The following TFAP2A variants were observed in gnomAD, a reference collection of about 807,000 sequenced individuals.
The protein encoded by TFAP2A is transcription factor AP-2-alpha.
In TFAP2A, 7 loss-of-function variants were observed where a neutral mutation model predicts 41.5. The observed-to-expected ratio is 0.17, with a 90% CI of 0.10 to 0.32. The LOEUF (loss-of-function observed/expected upper bound fraction) is 0.32. Ranked by LOEUF, TFAP2A falls within the 10% of genes least tolerant of loss-of-function variation. The probability of loss-of-function intolerance (pLI) is 1.00; values close to 1 mark genes in which losing one functional copy is unlikely to be tolerated. For synonymous variants in TFAP2A, 247 were observed against 242.8 expected (o/e 1.02, Z -0.16); for missense variants, 416 against 563.3 (o/e 0.74, Z 2.65).
At chr6:10,414,764 C>T in intron 1 of TFAP2A, 177 bp downstream of exon 1, 1 of 835,902 alleles carries the variant, frequency 1.2e-6, no homozygotes, top group Non-Finnish European at 2.0e-6. Flanking sequence ...GCATCCACGT[C>T]CTCTCTCTGC....
intron 3 of TFAP2A, chr6:10,406,410 C>T: frequency 4.0e-6 from 1 of 250,960 alleles, no homozygotes; most frequent in East Asian, 1.0e-4. Flanking sequence ...TCTGTTCTTA[C>T]ATTAATGTTA....
upstream of TFAP2A, chr6:10,418,613 T>C (rs908181103): frequency 6.6e-6 from 1 of 152,350 alleles, no homozygotes; most frequent in Non-Finnish European, 1.5e-5. Flanking sequence ...AAATGCTTCC[T>C]TGGCCAGGGT....
chr6:10,402,323 A>T (rs939324655), intron 5 of TFAP2A, 169 bp downstream of exon 5: 2 of 711,618 alleles, frequency 2.8e-6, no homozygotes, highest in Non-Finnish European at 5.3e-6. Context: ...ATAGGAGTAC[A>T]TGCAAATGTT....
upstream of TFAP2A, among the ~76,000 whole-genome samples, chr6:10,417,447 G>C (rs369232752): frequency 1.3e-5 from 2 of 152,208 alleles, no homozygotes; most frequent in Non-Finnish European, 2.9e-5. Context: ...GTCGCCTCTG[G>C]AGCCAGCCGA....
upstream of TFAP2A, chr6:10,415,448 C>T (rs1758207603): frequency 6.8e-6 from 2 of 294,146 alleles, no homozygotes; most frequent in South Asian, 9.0e-5. Context: ...CTGATAAAAC[C>T]TTCCTCGAGC....
At chr6:10,408,362 G>A (rs1401191914) in intron 2 of TFAP2A, among the ~76,000 whole-genome samples, 1 of 152,124 alleles carries the variant, frequency 6.6e-6, no homozygotes. Context: ...TGAGTATACA[G>A]GTGTTAAGAA....
intron 3 of TFAP2A, chr6:10,405,710 G>C (rs1757682258): frequency 6.6e-6 from 1 of 152,132 alleles, no homozygotes; most frequent in African/African-American, 2.4e-5. Context: ...ATTCCATTTG[G>C]AGACATCATA....
intron 6 of TFAP2A, among the ~76,000 whole-genome samples, chr6:10,399,381 T>C (rs1162901227): frequency 6.6e-6 from 1 of 152,250 alleles, no homozygotes; most frequent in African/African-American, 2.4e-5. Context: ...TTCCTCCTCT[T>C]TCCCCACATA....
In TFAP2A at chr6:10,409,529, C is replaced by A; in HGVS notation, c.486+372G>T. On this transcript the variant is annotated intron_variant, in intron 2 of 6. Transcript: ENST00000379613. ...TCTTTTGGTTGCATTTAACATCATT[C>A]CCAGGACAGGGAGAAATCTCCACGC... The A allele has an allele frequency of 1.1e-5, 3 of 270,732 alleles. No homozygotes were observed. In the South Asian group the frequency reaches 1.3e-4, roughly 12 times the overall value. The allele number at this position is 270,732 out of a possible 1,614,324, so 16.8% of individuals were successfully genotyped here.
At chr6:10,409,621 T>C (rs1203171861) in intron 2 of TFAP2A, 2 of 455,178 alleles carry the variant, frequency 4.4e-6, no homozygotes, top group Non-Finnish European at 8.0e-6. Flanking sequence ...GAGGAAGATA[T>C]TGTTAATGGT....
rs764897160 is a variant in TFAP2A at position 10,398,412 on chromosome 6, G to C, written c.*5C>G. ...GCGTGGGAGGGGCGGGGCGGGAGGA[G>C]AGCCTCACTTTCTGTGCTTCTCCTC... On this transcript the variant is annotated 3_prime_UTR_variant, in exon 7 of 7. Coordinates refer to ENST00000379613, the MANE Select transcript of TFAP2A (RefSeq NM_001372066.1). This position sits in a 1 kb window ranked among gnomAD's most constrained non-coding sequence, Gnocchi z 5.3. 3 of 1,613,768 alleles carry C rather than the reference G, an allele frequency of 1.9e-6. No homozygotes were observed. In the Admixed American group the frequency reaches 5.0e-5, roughly 27 times the overall value.
upstream of TFAP2A, chr6:10,416,448 G>T (rs1226658801): frequency 3.4e-5 from 5 of 148,498 alleles, no homozygotes; most frequent in African/African-American, 1.3e-4. Flanking sequence ...AAAAGAAAAG[G>T]ACCTAATGTG....
chr6:10,400,605 A>G lies in TFAP2A; in HGVS notation c.890-16T>C, dbSNP rs773836566. 1 of 1,614,064 alleles carries G rather than the reference A, an allele frequency of 6.2e-7. No homozygotes were observed. Among genetic ancestry groups the G allele is most frequent in the East Asian group, 2.2e-5 (1 of 44,882 alleles). On this transcript the variant is annotated splice_polypyrimidine_tract_variant and intron_variant, in intron 5 of 6. Coordinates refer to ENST00000379613, the MANE Select transcript of TFAP2A (RefSeq NM_001372066.1). ...ACAGCTTCTCCTGGCAAGAGGGGAG[A>G]GGAGGGAGCCAGTGCGAGAGAATGA...
rs756526526 is a variant in TFAP2A at position 10,404,621 on chromosome 6, G to A, written c.657C>T (p.Arg219=). 1.9e-6 allele frequency: 3 copies of A among 1,614,208 alleles called. No homozygotes were observed. Among genetic ancestry groups the A allele is most frequent in the South Asian group, 2.2e-5 (2 of 91,088 alleles). Residue 219 remains arginine, a synonymous_variant, in exon 4 of 7, where the codon CGC becomes CGT. Coordinates refer to ENST00000379613, the MANE Select transcript of TFAP2A (RefSeq NM_001372066.1). ...TCGAGGTGGAGCTGAGGAGCGAGAG[G>A]CGACCCGGAACTGAACAGAAGACTT... ...PNEVFCSVPG[R]LSLLSSTSKY...
intron 1 of TFAP2A, chr6:10,411,924 G>A: frequency 1.7e-6 from 2 of 1,197,250 alleles, no homozygotes; most frequent in Non-Finnish European, 2.1e-6. Flanking sequence ...GTGTGGGTGC[G>A]TGCGTGTTCC....
At position 10,402,418 on chromosome 6, in the gene TFAP2A, A is replaced by G. The variant is rs556072607; in HGVS notation, c.889+74T>C. On this transcript the variant is annotated intron_variant, in intron 5 of 6. Transcript: ENST00000379613. ...TGCCCAACTGACATAAAATACGACC[A>G]AACATCTGGCCACTAAATATTATCC... 1.6e-5 allele frequency: 18 copies of G among 1,117,618 alleles called. No homozygotes were observed. In the East Asian group the frequency reaches 4.2e-4, roughly 26 times the overall value. 69.2% of individuals were successfully genotyped at this position (1,117,618 alleles called of 1,614,324 possible). A position where few individuals can be genotyped will look rare whatever the true frequency, so the allele number is the denominator to read the frequency against.
At position 10,409,935 on chromosome 6, in the gene TFAP2A, A is replaced by G; in HGVS notation, c.452T>C (p.Ile151Thr). The change falls in exon 2 of 7, where the codon ATC becomes ACC. Residue 151 changes from isoleucine (I) to threonine (T), a missense_variant. By Grantham distance (89) the Ile-to-Thr change is moderately conservative. Transcript: ENST00000379613. ...CTCGATGGCGTGAGGTAAGGAGTGGATCGAGAGGTCTCCGAGTCCTGAGCT... is the reference window on the plus strand; with the variant it reads ...CTCGATGGCGTGAGGTAAGGAGTGGGTCGAGAGGTCTCCGAGTCCTGAGCT... ...ALSSGLGDLS[I>T]HSLPHAIEEV... 6.4e-7 allele frequency: 1 copy of G among 1,556,250 alleles called. No individual in the cohort carries two copies. Among genetic ancestry groups the G allele is most frequent in the South Asian group, 1.2e-5 (1 of 84,904 alleles).
chr6:10,406,531 A>T (rs1290383866), intron 3 of TFAP2A: 2 of 533,910 alleles, frequency 3.7e-6, no homozygotes, highest in East Asian at 6.5e-5. Context: ...CAGTTCAACT[A>T]CTGTACATTT....
At chr6:10,408,783 CTTAAATAATGTT>C (rs1408648120) in intron 2 of TFAP2A, among the ~76,000 whole-genome samples, 1 of 152,240 alleles carries the variant, frequency 6.6e-6, no homozygotes, top group Non-Finnish European at 1.5e-5. Flanking sequence ...TCCTACGGAA[CTTAAATAATGTT>C]TTAAATTCAC....
Sources: gnomAD v4.1 joint callset for allele counts (sites outside exome capture counted in the v4.1 genomes callset) on GRCh38, gnomAD v4.1.1 for gene constraint, Gnocchi (gnomAD v3.1) non-coding constraint, MANE v1.5 for transcripts, NCBI Gene and HGNC (gene_info 2026-07-23, HGNC 2026-07-21) for gene names.